RAB11FIP3: variants seen among roughly 807,000 people sequenced by gnomAD.
RAB11FIP3 encodes RAB11 family interacting protein 3, also known as rab11 family-interacting protein 3.
A neutral mutation model predicts 77.8 loss-of-function variants in RAB11FIP3; 17 were observed. That is an observed-to-expected ratio of 0.22 (90% CI 0.15 to 0.33). The LOEUF is 0.33. Among genes scored for constraint, RAB11FIP3 ranks in the 10% least tolerant of loss-of-function variants. RAB11FIP3 has a pLI of 1.00. For synonymous variants in RAB11FIP3, 437 were observed against 448.2 expected, an observed-to-expected ratio of 0.98 and a Z score of 0.31; for missense variants, 1,005 against 1,011.2, an observed-to-expected ratio of 0.99 and a Z score of 0.08.
At chr16:502,851 A>G in intron 6 of RAB11FIP3, 153 bp from the exon 7 acceptor site, 2 of 676,632 alleles carry the variant, frequency 3.0e-6, no homozygotes, top group South Asian at 3.3e-5. Context: ...ATAGTGCTTT[A>G]AGTGGGAGAA....
At chr16:492,191 G>A (rs1396024144) in intron 5 of RAB11FIP3, among the ~76,000 whole-genome samples, 1 of 152,172 alleles carries the variant, frequency 6.6e-6, no homozygotes, top group Admixed American at 6.5e-5. Flanking sequence ...CCATTTCCAG[G>A]GCACTTAACT....
Position 509,214 on chromosome 16 carries a change from A to G in RAB11FIP3, c.1500-1446A>G, listed in dbSNP as rs144690172. ...CCCGGCATCTCAATCGGACTTTTAA[A>G]TTGTCCTTCCCACGCTTTCAGTTCC... On this transcript the variant is annotated intron_variant, in intron 8 of 13. Coordinates refer to ENST00000262305, the MANE Select transcript of RAB11FIP3 (RefSeq NM_014700.4). 6.8e-3 allele frequency among the ~76,000 whole-genome samples: 1,040 copies of G among 152,304 alleles called. 7 individuals are homozygous for G. The highest frequency in any genetic ancestry group is 7.5e-3 in the Non-Finnish European group (513 of 68,022).
chr16:475,101 A>C, intron 3 of RAB11FIP3: 1 of 1,551,226 alleles, frequency 6.4e-7, no homozygotes, highest in Middle Eastern at 1.7e-4. Context: ...ATCTGAGGGT[A>C]AGAGGAGGCA....
chr16:519,525 G>A (rs919830433), intron 10 of RAB11FIP3, among the ~76,000 whole-genome samples: 4 of 152,354 alleles, frequency 2.6e-5, no homozygotes, highest in East Asian at 3.9e-4. Context: ...CCTGCCCCTC[G>A]TGAGAAACGG....
rs975889723 is a variant in RAB11FIP3 at position 482,469 on chromosome 16, G to A, written c.904-56G>A. Reference sequence around the variant, plus strand: ...GCCTTGCAGCAGTGAGGTGTGGGGCGTTCGCAGTTCCCCTCCCAGCTTGTG... The same window carrying A: ...GCCTTGCAGCAGTGAGGTGTGGGGCATTCGCAGTTCCCCTCCCAGCTTGTG... On this transcript the variant is annotated intron_variant, in intron 3 of 13. Coordinates refer to ENST00000262305, the MANE Select transcript of RAB11FIP3 (RefSeq NM_014700.4). The A allele has an allele frequency of 1.8e-5, 28 of 1,537,538 alleles. No individual in the cohort carries two copies. The African/African-American group carries it at 1.9e-4, about 10-fold the overall frequency.
At chr16:473,808 G>T (rs143672772) in intron 3 of RAB11FIP3, among the ~76,000 whole-genome samples, 1 of 152,228 alleles carries the variant, frequency 6.6e-6, no homozygotes, top group African/African-American at 2.4e-5. Flanking sequence ...TCCGTGTTTT[G>T]ACAGGTCCAC....
rs8058571 is a variant in RAB11FIP3 at position 452,886 on chromosome 16, T to G, written c.715-8518T>G. On this transcript the variant is annotated intron_variant, in intron 1 of 13. Coordinates refer to ENST00000262305, the MANE Select transcript of RAB11FIP3 (RefSeq NM_014700.4). ...TCTCGTGCCTCAGCATCCCGAGTAGTTGGGACTACAGGCGCCCGCCACCAC... is the reference window on the plus strand; with the variant it reads ...TCTCGTGCCTCAGCATCCCGAGTAGGTGGGACTACAGGCGCCCGCCACCAC... Among the ~76,000 whole-genome samples the G allele has an allele frequency of 4.7e-5, 3 of 63,846 alleles. 1 individual carries two copies. Among genetic ancestry groups the G allele is most frequent in the Non-Finnish European group, 9.1e-5 (3 of 32,948 alleles). The allele number at this position is 63,846 out of a possible 152,430, so 41.9% of individuals were successfully genotyped here.
At position 461,279 on chromosome 16, in the gene RAB11FIP3, C is replaced by T; in HGVS notation, c.715-125C>T. On this transcript the variant is annotated intron_variant, in intron 1 of 13. Transcript: ENST00000262305. This position sits in a 1 kb window ranked among gnomAD's most constrained non-coding sequence, Gnocchi z 4.5. The stretch of plus-strand genomic sequence containing the variant: ...GGGAGCTCAGGCGGTAATGCTCCCT[C>T]ACCTCCTGCTGTGCTTCCCCGTTCC... 2 of 647,178 alleles carry T rather than the reference C, an allele frequency of 3.1e-6. No homozygotes were observed. The highest frequency in any genetic ancestry group is 5.3e-6 in the Non-Finnish European group (2 of 376,268). The allele number at this position is 647,178 out of a possible 1,614,324, so 40.1% of individuals were successfully genotyped here. A position where few individuals can be genotyped will look rare whatever the true frequency, so the allele number is the denominator to read the frequency against.
intron 1 of RAB11FIP3, among the ~76,000 whole-genome samples, chr16:457,191 T>G (rs1472100586): frequency 6.6e-6 from 1 of 152,168 alleles, no homozygotes; most frequent in East Asian, 1.9e-4. Context: ...TATTCGAGAA[T>G]CCTGGGAGGA....
intron 1 of RAB11FIP3, among the ~76,000 whole-genome samples, chr16:437,789 A>G (rs1186731781): frequency 6.6e-6 from 1 of 151,934 alleles, no homozygotes; most frequent in Non-Finnish European, 1.5e-5. Context: ...TACTAATTGC[A>G]TTGTAATTAT....
chr16:471,784 C>T lies in RAB11FIP3; in HGVS notation c.903+395C>T, dbSNP rs1195064892. On this transcript the variant is annotated intron_variant, in intron 3 of 13. Coordinates refer to ENST00000262305, the MANE Select transcript of RAB11FIP3 (RefSeq NM_014700.4). This position sits in a 1 kb window ranked among gnomAD's most constrained non-coding sequence, Gnocchi z 4.4. Reference sequence around the variant, plus strand: ...CCTGCCCCTGCTTGGCTGTCCTCCACCCTGCTCCCAGATGCAGCCAGGGTT... The same window carrying T: ...CCTGCCCCTGCTTGGCTGTCCTCCATCCTGCTCCCAGATGCAGCCAGGGTT... 6.6e-6 allele frequency among the ~76,000 whole-genome samples: 1 copy of T among 152,186 alleles called. No homozygotes were observed. Among genetic ancestry groups the T allele is most frequent in the African/African-American group, 2.4e-5 (1 of 41,450 alleles).
chr16:465,407 T>G (rs1055906063), intron 2 of RAB11FIP3, among the ~76,000 whole-genome samples: 5 of 152,166 alleles, frequency 3.3e-5, no homozygotes, highest in African/African-American at 1.2e-4. Context: ...AAGCCATATT[T>G]TACATAGCCA....
At chr16:493,247 A>C (rs2030752948) in intron 5 of RAB11FIP3, among the ~76,000 whole-genome samples, 1 of 104,992 alleles carries the variant, frequency 9.5e-6, no homozygotes. Context: ...CCAAACTCTG[A>C]CTCCAAAAAA....
rs73496266 is a variant in RAB11FIP3 at position 502,123 on chromosome 16, C to T, written c.1302-881C>T. ...CCCAGGATGTATAAAGAACTGAACACGCACCTTTGCTGTTGGCTCTTCTGT... is the reference window on the plus strand; with the variant it reads ...CCCAGGATGTATAAAGAACTGAACATGCACCTTTGCTGTTGGCTCTTCTGT... On this transcript the variant is annotated intron_variant, in intron 6 of 13. Transcript: ENST00000262305. 7.2e-3 allele frequency among the ~76,000 whole-genome samples: 1,104 copies of T among 152,368 alleles called. 23 individuals carry two copies. Among genetic ancestry groups the T allele is most frequent in the African/African-American group, 0.025 (1,019 of 41,586 alleles).
At position 463,177 on chromosome 16, in the gene RAB11FIP3, A is replaced by G. The variant is rs115457024; in HGVS notation, c.808+1680A>G. 6.1e-3 allele frequency among the ~76,000 whole-genome samples: 928 copies of G among 151,802 alleles called. 10 individuals are homozygous for G. Among genetic ancestry groups the G allele is most frequent in the African/African-American group, 0.021 (879 of 41,394 alleles). ...TCTGAACAGGCCATCTCACTTCCTC[A>G]TGTTTGGCCAGGCGGTGTAGGGGTG... On this transcript the variant is annotated intron_variant, in intron 2 of 13. Transcript: ENST00000262305.
intron 5 of RAB11FIP3, among the ~76,000 whole-genome samples, chr16:490,672 A>G (rs1319729941): frequency 6.6e-6 from 1 of 152,224 alleles, no homozygotes; most frequent in Non-Finnish European, 1.5e-5. Context: ...TTTATCATTC[A>G]TGCATAGTTT....
In RAB11FIP3 at chr16:474,297, C is replaced by G. The variant is rs143116088; in HGVS notation, c.903+2908C>G. Among the ~76,000 whole-genome samples, 924 of 152,262 alleles carry G rather than the reference C, an allele frequency of 6.1e-3. 10 individuals are homozygous for G. Among genetic ancestry groups the G allele is most frequent in the African/African-American group, 0.021 (879 of 41,542 alleles). On this transcript the variant is annotated intron_variant, in intron 3 of 13. Coordinates refer to ENST00000262305, the MANE Select transcript of RAB11FIP3 (RefSeq NM_014700.4). ...CAGACCCATTTCTCTTTACTGGGAG[C>G]ATCGCAGTGCTCACACCGGGGTGGT...
intron 1 of RAB11FIP3, among the ~76,000 whole-genome samples, chr16:443,767 T>C (rs2055265132): frequency 2.0e-5 from 3 of 152,182 alleles, no homozygotes; most frequent in Admixed American, 6.5e-5. Flanking sequence ...GGTTTCACCA[T>C]GTTAGCCAGG....
chr16:505,385 G>A lies in RAB11FIP3; in HGVS notation c.1396-139G>A. On this transcript the variant is annotated intron_variant, in intron 7 of 13. Coordinates refer to ENST00000262305, the MANE Select transcript of RAB11FIP3 (RefSeq NM_014700.4). The surrounding 1 kb of genome is among the most constrained non-coding windows in gnomAD (Gnocchi z 4.0). ...CCTTTGTGGGTTTATGGGACAAGTT[G>A]GATCCAACACCAGCCTAGCTAGGTG... 2 of 650,432 alleles carry A rather than the reference G, an allele frequency of 3.1e-6. No individual in the cohort carries two copies. The highest frequency in any genetic ancestry group is 2.6e-6 in the Non-Finnish European group (1 of 380,392). The allele number at this position is 650,432 out of a possible 1,614,324, so 40.3% of individuals were successfully genotyped here.
Sources: gnomAD v4.1 joint callset for allele counts (sites outside exome capture counted in the v4.1 genomes callset) on GRCh38, gnomAD v4.1.1 for gene constraint, Gnocchi (gnomAD v3.1) non-coding constraint, MANE v1.5 for transcripts, NCBI Gene and HGNC (gene_info 2026-07-23, HGNC 2026-07-21) for gene names.